The following NRXN3 variants were observed in gnomAD, a reference collection of about 807,000 sequenced individuals.
NRXN3 encodes neurexin III.
NRXN3 carries 32 observed loss-of-function variants against 137.6 expected under a neutral mutation model. The observed-to-expected ratio is 0.23, with a 90% CI of 0.18 to 0.31. The LOEUF is 0.31. Ranked by LOEUF, NRXN3 falls within the 10% of genes least tolerant of loss-of-function variation. NRXN3 has a pLI of 1.00. For synonymous variants in NRXN3, 798 were observed against 784.5 expected (o/e 1.02, Z -0.29); for missense variants, 1,574 against 2,062.5 (o/e 0.76, Z 4.59).
chr14:78,879,362 A>G (rs573744944), intron 10 of NRXN3, among the ~76,000 whole-genome samples: 1 of 152,328 alleles, frequency 6.6e-6, no homozygotes, highest in African/African-American at 2.4e-5. Flanking sequence ...ATCCTTGCTA[A>G]TACTTATCTT....
chr14:79,152,710 A>G (rs2059913861), intron 15 of NRXN3, among the ~76,000 whole-genome samples: 1 of 151,954 alleles, frequency 6.6e-6, no homozygotes, highest in Non-Finnish European at 1.5e-5. Flanking sequence ...TATGGGGGAA[A>G]TCACTCCCAC....
intron 19 of NRXN3, among the ~76,000 whole-genome samples, chr14:79,798,473 T>A (rs895936906): frequency 1.3e-5 from 2 of 152,184 alleles, no homozygotes; most frequent in African/African-American, 4.8e-5. Flanking sequence ...TGCAGAGATG[T>A]ATGGCTGTTT....
At chr14:78,220,079 T>C (rs1278286670) in intron 1 of NRXN3, among the ~76,000 whole-genome samples, 2 of 151,990 alleles carry the variant, frequency 1.3e-5, no homozygotes, top group Non-Finnish European at 2.9e-5. Flanking sequence ...AATGCCCAGG[T>C]TGCTAGCTGG....
At chr14:79,430,920 C>T (rs1463243999) in intron 15 of NRXN3, among the ~76,000 whole-genome samples, 2 of 152,090 alleles carry the variant, frequency 1.3e-5, no homozygotes, top group African/African-American at 4.8e-5. Context: ...TTTTGAGAAT[C>T]ATTTTAACTT....
At chr14:79,156,954 G>C (rs1039583184) in intron 15 of NRXN3, among the ~76,000 whole-genome samples, 15 of 151,772 alleles carry the variant, frequency 9.9e-5, no homozygotes, top group African/African-American at 3.1e-4. Flanking sequence ...TAAATGCCCA[G>C]AGCATCCCCC....
intron 10 of NRXN3, among the ~76,000 whole-genome samples, chr14:78,877,487 G>T (rs1252899946): frequency 1.3e-5 from 2 of 151,988 alleles, no homozygotes; most frequent in Non-Finnish European, 2.9e-5. Flanking sequence ...AATACATACT[G>T]CCTTGTAGAG....
rs1428327780 is a variant in NRXN3, at chr14:79,863,149, C to T, written c.*1185C>T. On this transcript the variant is annotated 3_prime_UTR_variant, in exon 21 of 21. Transcript: ENST00000335750. ...AAAACACATAGTTCTTTCCCCGCCCCGAATGTGACAATGGTTTTCATAGTG... is the reference window on the plus strand; with the variant it reads ...AAAACACATAGTTCTTTCCCCGCCCTGAATGTGACAATGGTTTTCATAGTG... 1.3e-5 allele frequency: 2 copies of T among 152,620 alleles called. No individual in the cohort carries two copies. Among genetic ancestry groups the T allele is most frequent in the African/African-American group, 4.8e-5 (2 of 41,536 alleles). The allele number at this position is 152,620 out of a possible 1,614,324, so 9.5% of individuals were successfully genotyped here.
chr14:79,483,526 A>G (rs2096627260), intron 16 of NRXN3, among the ~76,000 whole-genome samples: 5 of 152,224 alleles, frequency 3.3e-5, no homozygotes, highest in Admixed American at 3.3e-4. Context: ...CTCCTATGGT[A>G]TAAACCCTAA....
intron 15 of NRXN3, among the ~76,000 whole-genome samples, chr14:79,465,371 C>A (rs2096407673): frequency 6.6e-6 from 1 of 152,096 alleles, no homozygotes; most frequent in Admixed American, 6.6e-5. Context: ...GTGTAGAGGG[C>A]TTTCGAGACA....
intron 4 of NRXN3, among the ~76,000 whole-genome samples, chr14:78,317,399 T>C (rs938729690): frequency 2.6e-5 from 4 of 152,082 alleles, no homozygotes; most frequent in African/African-American, 9.7e-5. Context: ...CTCATAGGAG[T>C]GCAAACCTTA....
chr14:79,064,949 A>C (rs2099678963), intron 15 of NRXN3, among the ~76,000 whole-genome samples: 1 of 151,502 alleles, frequency 6.6e-6, no homozygotes, highest in Non-Finnish European at 1.5e-5. Context: ...CTTCTCTAAA[A>C]ATATTGAAAA....
intron 16 of NRXN3, among the ~76,000 whole-genome samples, chr14:79,512,392 G>A (rs1256917613): frequency 1.3e-5 from 2 of 152,104 alleles, no homozygotes; most frequent in Non-Finnish European, 2.9e-5. Flanking sequence ...ATGACTATTA[G>A]GAAGAGATGA....
intron 8 of NRXN3, among the ~76,000 whole-genome samples, chr14:78,718,516 GAGTC>G (rs1419476374): frequency 6.6e-6 from 1 of 152,132 alleles, no homozygotes; most frequent in African/African-American, 2.4e-5. Context: ...AAGTATAAGA[GAGTC>G]AGAGAATAAG....
intron 8 of NRXN3, among the ~76,000 whole-genome samples, chr14:78,715,885 A>G (rs1240236808): frequency 2.0e-5 from 3 of 152,006 alleles, no homozygotes; most frequent in Non-Finnish European, 4.4e-5. Context: ...CATTAAAGAG[A>G]AGGTATAGAG....
At chr14:79,229,460 A>G (rs1219465318) in intron 15 of NRXN3, among the ~76,000 whole-genome samples, 1 of 152,012 alleles carries the variant, frequency 6.6e-6, no homozygotes, top group African/African-American at 2.4e-5. Flanking sequence ...TAATCACCAC[A>G]CTCCCTGAAG....
chr14:79,350,999 C>T (rs777018730), intron 15 of NRXN3, among the ~76,000 whole-genome samples: 22 of 152,232 alleles, frequency 1.4e-4, no homozygotes, highest in Non-Finnish European at 2.8e-4. Flanking sequence ...AGGCTTGAAG[C>T]GGTTAAATGA....
chr14:78,848,723 G>A (rs1008217816), intron 10 of NRXN3, among the ~76,000 whole-genome samples: 3 of 152,114 alleles, frequency 2.0e-5, no homozygotes, highest in African/African-American at 4.8e-5. Flanking sequence ...ATTACTTTGT[G>A]GGATTCAGAT....
At chr14:78,509,517 C>T (rs139239679) in intron 4 of NRXN3, among the ~76,000 whole-genome samples, 147 of 152,210 alleles carry the variant, frequency 9.7e-4, no homozygotes, top group Admixed American at 1.9e-3. Context: ...CAATGGAACT[C>T]TGCGATTTGG....
intron 20 of NRXN3, among the ~76,000 whole-genome samples, chr14:79,831,012 A>C (rs958611651): frequency 1.3e-5 from 2 of 152,206 alleles, no homozygotes; most frequent in Non-Finnish European, 2.9e-5. Context: ...AGGAGGTTCC[A>C]GTTCATTTCA....
Sources: gnomAD v4.1 joint callset for allele counts (sites outside exome capture counted in the v4.1 genomes callset) on GRCh38, gnomAD v4.1.1 for gene constraint, MANE v1.5 for transcripts, NCBI Gene and HGNC (gene_info 2026-07-23, HGNC 2026-07-21) for gene names.